CEP112: variants seen among roughly 807,000 people sequenced by gnomAD.
The protein encoded by CEP112 is centrosomal protein of 112 kDa.
CEP112 carries 127 observed loss-of-function variants against 153.0 expected under a neutral mutation model. The ratio of observed to expected loss-of-function variants is 0.83; its 90% confidence interval spans 0.72 to 0.96. The LOEUF is 0.96. CEP112 is among the 40% of genes least tolerant of loss of function. The pLI, the probability that CEP112 is intolerant of heterozygous loss-of-function variation, is 0.00. For missense variants in CEP112, 1,089 were observed against 1,101.2 expected (o/e 0.99, Z 0.16); for synonymous variants, 358 against 374.4 (o/e 0.96, Z 0.51).
intron 21 of CEP112, among the ~76,000 whole-genome samples, chr17:65,842,079 A>G (rs181061764): frequency 3.5e-4 from 54 of 152,166 alleles, no homozygotes; most frequent in Admixed American, 2.1e-3. Context: ...AGGCATTTTC[A>G]TTTATTCTAA....
intron 24 of CEP112, among the ~76,000 whole-genome samples, chr17:65,647,864 T>TG (rs1031572793): frequency 2.8e-4 from 42 of 152,192 alleles, no homozygotes; most frequent in African/African-American, 1.0e-3. Context: ...CTTTTACCTG[T>TG]GGACTATTCA....
At chr17:65,902,419 T>A in intron 19 of CEP112, 85 bp from the exon 20 acceptor site, 1 of 1,130,044 alleles carries the variant, frequency 8.8e-7, no homozygotes, top group Non-Finnish European at 1.2e-6. Flanking sequence ...TTTTCTCTAA[T>A]TTGTCCAAGT....
chr17:65,696,942 C>T lies in CEP112; in HGVS notation c.2608-7724G>A, dbSNP rs74906905. ...TGCCACTCAGTGGGGAGGAGGGATG[C>T]GGGAGGATTTACCCCATGAATGTTT... On this transcript the variant is annotated intron_variant, in intron 23 of 26. Coordinates refer to ENST00000535342, the MANE Select transcript of CEP112 (RefSeq NM_001199165.4). 1.1e-4 allele frequency among the ~76,000 whole-genome samples: 16 copies of T among 152,062 alleles called. No homozygotes were observed. The East Asian group carries it at 2.7e-3, about 26-fold the overall frequency.
At chr17:65,743,369 G>A in intron 22 of CEP112, 152 bp from the exon 23 acceptor site, 1 of 557,644 alleles carries the variant, frequency 1.8e-6, no homozygotes, top group Non-Finnish European at 3.0e-6. Context: ...TATAATGCAT[G>A]AAATACCACA....
chr17:66,067,002 A>C (rs2067145130), intron 9 of CEP112, 125 bp from the exon 10 acceptor site: 1 of 517,822 alleles, frequency 1.9e-6, no homozygotes, highest in South Asian at 2.9e-5. Flanking sequence ...ATATGACTAC[A>C]CTGTGAAATT....
chr17:65,766,803 A>T (rs2145457115), intron 21 of CEP112, among the ~76,000 whole-genome samples: 1 of 151,488 alleles, frequency 6.6e-6, no homozygotes. Flanking sequence ...GTCACTAATG[A>T]TAAAGAGGGC....
chr17:65,982,578 G>A (rs1406210251), intron 17 of CEP112, among the ~76,000 whole-genome samples: 2 of 152,152 alleles, frequency 1.3e-5, no homozygotes, highest in Non-Finnish European at 2.9e-5. Context: ...TTCTCCTTTT[G>A]TGGGCGATAG....
chr17:65,727,008 C>T (rs1176189364), intron 23 of CEP112, among the ~76,000 whole-genome samples: 2 of 152,126 alleles, frequency 1.3e-5, no homozygotes, highest in Admixed American at 6.5e-5. Context: ...AGATTCCTGT[C>T]AGGGGGAACT....
chr17:65,703,275 G>A (rs931336600), intron 23 of CEP112, among the ~76,000 whole-genome samples: 23 of 152,084 alleles, frequency 1.5e-4, no homozygotes, highest in Non-Finnish European at 1.8e-4. Context: ...CACTTTGGGA[G>A]GCTGAGGCGG....
chr17:65,863,127 C>T (rs1457943881), intron 20 of CEP112, among the ~76,000 whole-genome samples: 1 of 151,936 alleles, frequency 6.6e-6, no homozygotes, highest in Non-Finnish European at 1.5e-5. Flanking sequence ...TTATTCTGGA[C>T]ACAATACACA....
At chr17:66,124,507 C>T (rs2069751624) in intron 6 of CEP112, among the ~76,000 whole-genome samples, 1 of 152,156 alleles carries the variant, frequency 6.6e-6, no homozygotes, top group South Asian at 2.1e-4. Flanking sequence ...CTAACTGCTG[C>T]CCTTATACCA....
chr17:65,823,286 A>G (rs1288871909), intron 21 of CEP112, among the ~76,000 whole-genome samples: 1 of 152,192 alleles, frequency 6.6e-6, no homozygotes, highest in Non-Finnish European at 1.5e-5. Flanking sequence ...AAGACTGACT[A>G]TAAAAGCTAC....
At chr17:66,075,244 C>A (rs1329929386) in intron 8 of CEP112, among the ~76,000 whole-genome samples, 1 of 152,036 alleles carries the variant, frequency 6.6e-6, no homozygotes, top group African/African-American at 2.4e-5. Context: ...AGAACTATGA[C>A]AATAGCACAA....
chr17:65,978,532 C>T (rs2063118240), intron 17 of CEP112, among the ~76,000 whole-genome samples: 1 of 152,146 alleles, frequency 6.6e-6, no homozygotes, highest in African/African-American at 2.4e-5. Flanking sequence ...CAGATAATAA[C>T]AAACAGCCAC....
intron 6 of CEP112, among the ~76,000 whole-genome samples, chr17:66,106,999 T>C (rs1291404731): frequency 6.6e-6 from 1 of 152,036 alleles, no homozygotes; most frequent in Non-Finnish European, 1.5e-5. Flanking sequence ...TATAGGCAAA[T>C]CAATCCATGT....
chr17:65,692,507 G>A (rs117409536), intron 23 of CEP112, among the ~76,000 whole-genome samples: 196 of 152,220 alleles, frequency 1.3e-3, no homozygotes, highest in Admixed American at 1.5e-3. Flanking sequence ...GATCACAGGC[G>A]TGAGTCACCA....
chr17:65,681,699 GATCTCTCT>G (rs1311803498), intron 24 of CEP112, among the ~76,000 whole-genome samples: 1 of 141,406 alleles, frequency 7.1e-6, no homozygotes, highest in East Asian at 2.1e-4. Flanking sequence ...TTTGAGACAG[GATCTCTCT>G]CTGTAGCCCA....
intron 12 of CEP112, among the ~76,000 whole-genome samples, chr17:66,049,612 A>G (rs35850189): frequency 0.41 from 62,473 of 151,980 alleles, 14,301 homozygotes; most frequent in East Asian, 0.87. Flanking sequence ...CAGCTGGGCC[A>G]TGGTGGCACA....
At chr17:66,166,195 A>C (rs2071949059) in intron 4 of CEP112, among the ~76,000 whole-genome samples, 1 of 152,124 alleles carries the variant, frequency 6.6e-6, no homozygotes, top group Non-Finnish European at 1.5e-5. Context: ...TAGGCTCCTA[A>C]TAAAATGGCA....
Sources: gnomAD v4.1 joint callset for allele counts (sites outside exome capture counted in the v4.1 genomes callset) on GRCh38, gnomAD v4.1.1 for gene constraint, MANE v1.5 for transcripts, NCBI Gene and HGNC (gene_info 2026-07-23, HGNC 2026-07-21) for gene names.